SHOC1: variants seen among roughly 807,000 people sequenced by gnomAD.
The protein encoded by SHOC1 is protein shortage in chiasmata 1 ortholog.
A neutral mutation model predicts 179.2 loss-of-function variants in SHOC1; 136 were observed. The observed-to-expected ratio is 0.76, with a 90% CI of 0.66 to 0.87. The LOEUF (loss-of-function observed/expected upper bound fraction) is 0.87. SHOC1 is among the 40% of genes least tolerant of loss of function. The probability of loss-of-function intolerance (pLI) is 0.00; values close to 1 mark genes in which losing one functional copy is unlikely to be tolerated. For synonymous variants in SHOC1, 489 were observed against 586.6 expected (o/e 0.83, Z 2.41); for missense variants, 1,538 against 1,700.8 (o/e 0.90, Z 1.68).
At chr9:111,747,710 G>T (rs1214380558) in intron 9 of SHOC1, among the ~76,000 whole-genome samples, 1 of 151,984 alleles carries the variant, frequency 6.6e-6, no homozygotes, top group Admixed American at 6.6e-5. Flanking sequence ...CCTCCTGAGT[G>T]TCTGGGATTA....
chr9:111,693,044 G>A (rs1320782377), intron 26 of SHOC1, among the ~76,000 whole-genome samples: 4 of 152,166 alleles, frequency 2.6e-5, no homozygotes, highest in Admixed American at 6.5e-5. Flanking sequence ...TATGGCTCAT[G>A]CCTGTAATCC....
At chr9:111,791,565 A>G (rs112956740) in intron 1 of SHOC1, 111 bp from the exon 2 acceptor site, 79 of 418,996 alleles carry the variant, frequency 1.9e-4, no homozygotes, top group African/African-American at 1.4e-3. Flanking sequence ...CTGAATGATA[A>G]TCATTGGTAA....
chr9:111,717,767 A>T (rs563307225), intron 16 of SHOC1, among the ~76,000 whole-genome samples: 3 of 152,178 alleles, frequency 2.0e-5, no homozygotes, highest in African/African-American at 7.2e-5. Context: ...ACTAATATAG[A>T]CATGACTAAA....
intron 5 of SHOC1, among the ~76,000 whole-genome samples, chr9:111,768,597 T>A (rs531012318): frequency 1.3e-5 from 2 of 152,360 alleles, no homozygotes; most frequent in African/African-American, 4.8e-5. Flanking sequence ...TTGGGTTTTT[T>A]AAATTTTTGT....
At chr9:111,748,005 C>T (rs1834371558) in intron 9 of SHOC1, 87 bp downstream of exon 9, 1 of 806,910 alleles carries the variant, frequency 1.2e-6, no homozygotes, top group East Asian at 2.5e-5. Context: ...AACTGACTCA[C>T]AGTACACTGT....
intron 15 of SHOC1, among the ~76,000 whole-genome samples, chr9:111,718,518 A>C (rs895891727): frequency 3.3e-5 from 5 of 152,190 alleles, no homozygotes; most frequent in Non-Finnish European, 4.4e-5. Flanking sequence ...AAGTTAAGTA[A>C]CTGTCCAAGG....
intron 15 of SHOC1, among the ~76,000 whole-genome samples, chr9:111,719,284 G>A (rs1348257197): frequency 3.3e-5 from 5 of 152,138 alleles, no homozygotes; most frequent in African/African-American, 1.2e-4. Context: ...GTTACTTGTA[G>A]GCTTAGTTTT....
At chr9:111,790,947 T>C (rs1836424397) in intron 2 of SHOC1, among the ~76,000 whole-genome samples, 1 of 152,222 alleles carries the variant, frequency 6.6e-6, no homozygotes, top group South Asian at 2.1e-4. Flanking sequence ...AAAATTATCA[T>C]ATACAAGTTG....
chr9:111,782,853 C>T (rs1836123063), intron 3 of SHOC1, among the ~76,000 whole-genome samples: 1 of 152,272 alleles, frequency 6.6e-6, no homozygotes, highest in Non-Finnish European at 1.5e-5. Flanking sequence ...ATCTTACCTT[C>T]ACATAGAAAA....
intron 6 of SHOC1, 41 bp from the exon 7 acceptor site, chr9:111,758,236 G>A (rs748196214): frequency 2.8e-6 from 3 of 1,080,788 alleles, no homozygotes; most frequent in South Asian, 1.6e-5. Flanking sequence ...CTAAAAGCAA[G>A]TTACATACTA....
rs80221814 is a variant in SHOC1, at chr9:111,781,186, A to T, written c.170-169T>A. The T allele has an allele frequency of 3.7e-3, 2,187 of 591,326 alleles. 34 individuals are homozygous for T. Among genetic ancestry groups the T allele is most frequent in the African/African-American group, 0.036 (1,888 of 53,092 alleles). The allele number at this position is 591,326 out of a possible 1,614,324, so 36.6% of individuals were successfully genotyped here. A position where few individuals can be genotyped will look rare whatever the true frequency, so the allele number is the denominator to read the frequency against. ...TATTTGAATAGTCATCCTCATTATC[A>T]TCAACCTACCCCCGCCCCTCAATCA... On this transcript the variant is annotated intron_variant, in intron 3 of 27. Coordinates refer to ENST00000682961, the MANE Select transcript of SHOC1 (RefSeq NM_001378211.1).
At chr9:111,737,942 G>A (rs1412111640) in intron 12 of SHOC1, 1 of 293,942 alleles carries the variant, frequency 3.4e-6, no homozygotes, top group Non-Finnish European at 6.2e-6. Flanking sequence ...CAAAATGCTG[G>A]TTTGCGTCTA....
Position 111,718,191 on chromosome 9 carries a change from T to C in SHOC1, c.2229A>G (p.Thr743=). ...AAAATATTCCCCACCAACCCAATGC[T>C]GTGTCCAAGCTGCATGTTAAAAGGA... ...RDVLLTCSLD[T]ALGYLSKAKD... is the part of the protein sequence containing the mutation. Residue 743 remains threonine (T), a synonymous_variant, in exon 16 of 28, where the codon ACA becomes ACG. Coordinates refer to ENST00000682961, the MANE Select transcript of SHOC1 (RefSeq NM_001378211.1). 1 of 1,585,964 alleles carries C rather than the reference T, an allele frequency of 6.3e-7. No homozygotes were observed. The highest frequency in any genetic ancestry group is 1.2e-5 in the South Asian group (1 of 84,724).
intron 18 of SHOC1, among the ~76,000 whole-genome samples, chr9:111,708,573 T>G (rs1832388522): frequency 6.6e-6 from 1 of 152,190 alleles, no homozygotes; most frequent in South Asian, 2.1e-4. Flanking sequence ...TTGCTAAATA[T>G]CAGGGTGGAT....
chr9:111,719,091 G>C (rs551574268), intron 15 of SHOC1, among the ~76,000 whole-genome samples: 1 of 152,300 alleles, frequency 6.6e-6, no homozygotes, highest in South Asian at 2.1e-4. Flanking sequence ...ATTATGGGTA[G>C]TATATTCAGC....
intron 2 of SHOC1, among the ~76,000 whole-genome samples, chr9:111,787,378 A>G (rs1351325108): frequency 6.6e-6 from 1 of 152,246 alleles, no homozygotes; most frequent in Non-Finnish European, 1.5e-5. Context: ...TGATCATCAG[A>G]GGAGGTCAAA....
intron 15 of SHOC1, among the ~76,000 whole-genome samples, chr9:111,720,685 C>T (rs777273909): frequency 6.6e-6 from 1 of 151,996 alleles, no homozygotes; most frequent in East Asian, 1.9e-4. Flanking sequence ...GTGATTGTTT[C>T]TATTACTGTG....
chr9:111,707,572 A>G (rs1338335982), intron 19 of SHOC1, among the ~76,000 whole-genome samples: 1 of 152,140 alleles, frequency 6.6e-6, no homozygotes, highest in Admixed American at 6.5e-5. Flanking sequence ...TGGTACAAAT[A>G]TACTCTAAAT....
At position 111,758,799 on chromosome 9, in the gene SHOC1, G is replaced by A. The variant is rs572225473; in HGVS notation, c.492C>T (p.His164=). 3 of 1,585,470 alleles carry A rather than the reference G, an allele frequency of 1.9e-6. No homozygotes were observed. The highest frequency in any genetic ancestry group is 2.7e-5 in the African/African-American group (2 of 73,942). The part of the protein sequence containing the change: ...KGILFVSSRK[H]LPTLPTLLSR... ...TCAAGAGAGTAGGCAAAGTTGGTAG[G>A]TGTTTTCTACTACTTACAAAAAGTA... is the stretch of plus-strand genomic sequence containing the variant. Residue 164 remains histidine (H), a synonymous_variant, in exon 6 of 28, where the codon CAC becomes CAT. Transcript: ENST00000682961.
Sources: allele counts gnomAD v4.1 joint callset (sites outside exome capture counted in the v4.1 genomes callset), GRCh38; gene constraint gnomAD v4.1.1; transcripts MANE v1.5; gene names NCBI Gene and HGNC (gene_info 2026-07-23, HGNC 2026-07-21).